Variants in GPATCH8 observed in about 807,000 individuals in gnomAD.
The protein encoded by GPATCH8 is G-patch domain containing 8, also known as G patch domain-containing protein 8.
GPATCH8 carries 18 observed loss-of-function variants against 118.3 expected under a neutral mutation model. The ratio of observed to expected loss-of-function variants is 0.15; its 90% CI spans 0.11 to 0.23. The LOEUF is 0.23. Ranked by LOEUF, GPATCH8 falls within the 10% of genes least tolerant of loss-of-function variation. The pLI is 1.00. For missense variants in GPATCH8, 1,631 were observed against 1,873.8 expected (o/e 0.87, Z 2.39); for synonymous variants, 659 against 684.7 (o/e 0.96, Z 0.59).
At chr17:44,502,491 A>G (rs1473572977) in intron 1 of GPATCH8, among the ~76,000 whole-genome samples, 1 of 152,170 alleles carries the variant, frequency 6.6e-6, no homozygotes, top group Non-Finnish European at 1.5e-5. Context: ...CAGCGAAAAA[A>G]CAAGTTATTC....
chr17:44,404,628 G>C (rs1173455722), intron 7 of GPATCH8, among the ~76,000 whole-genome samples: 2 of 152,086 alleles, frequency 1.3e-5, no homozygotes, highest in African/African-American at 2.4e-5. Context: ...GAGGCATAGA[G>C]AGTTTAGATA....
chr17:44,442,833 T>C (rs1280797200), intron 3 of GPATCH8, among the ~76,000 whole-genome samples: 5 of 151,488 alleles, frequency 3.3e-5, no homozygotes, highest in Admixed American at 6.6e-5. Context: ...ATCCCAGCAC[T>C]TGGGGAGGCC....
intron 1 of GPATCH8, among the ~76,000 whole-genome samples, chr17:44,475,843 C>T (rs186095242): frequency 5.9e-5 from 9 of 152,180 alleles, no homozygotes; most frequent in African/African-American, 2.2e-4. Context: ...CTGGGCAATA[C>T]AGTGAGACCC....
At chr17:44,417,007 G>T (rs1271209421) in intron 6 of GPATCH8, among the ~76,000 whole-genome samples, 1 of 152,110 alleles carries the variant, frequency 6.6e-6, no homozygotes, top group African/African-American at 2.4e-5. Context: ...CTCTGACTGA[G>T]ATACTGAATC....
In GPATCH8 at chr17:44,397,117, G is replaced by T. The variant is rs1482490980; in HGVS notation, c.*451C>A. On this transcript the variant is annotated 3_prime_UTR_variant, in exon 8 of 8. Coordinates refer to ENST00000591680, the MANE Select transcript of GPATCH8 (RefSeq NM_001002909.4). ...GGCACTTCCACCACTAGAACAGCTT[G>T]GCCTTCCCTGTGGCGCTGAGAAGGC... The T allele has an allele frequency of 2.2e-6, 1 of 455,506 alleles. No individual in the cohort carries two copies. The highest frequency in any genetic ancestry group is 2.0e-5 in the African/African-American group (1 of 50,048). The allele number at this position is 455,506 out of a possible 1,614,324, so 28.2% of individuals were successfully genotyped here.
intron 3 of GPATCH8, among the ~76,000 whole-genome samples, chr17:44,457,185 A>T (rs2051368445): frequency 6.6e-6 from 1 of 152,160 alleles, no homozygotes; most frequent in African/African-American, 2.4e-5. Context: ...ATATAGTAAA[A>T]TGCAACTCAG....
In GPATCH8 at chr17:44,449,394, A is replaced by C. The variant is rs977096127; in HGVS notation, c.194-12849T>G. On this transcript the variant is annotated intron_variant, in intron 3 of 7. Transcript: ENST00000591680. The stretch of plus-strand genomic sequence containing the variant: ...CTTGTTTTCTTTTTCAGTAGATACA[A>C]ACTCTTGCTATGTGGCCCAGGCTGG... Among the ~76,000 whole-genome samples the C allele has an allele frequency of 2.0e-5, 3 of 152,264 alleles. No individual in the cohort carries two copies. In the East Asian group the frequency reaches 5.8e-4, roughly 29 times the overall value.
At chr17:44,451,205 T>C (rs2051100298) in intron 3 of GPATCH8, among the ~76,000 whole-genome samples, 1 of 152,194 alleles carries the variant, frequency 6.6e-6, no homozygotes, top group Non-Finnish European at 1.5e-5. Flanking sequence ...GCTATTCTCA[T>C]GCCTCAGCCT....
At chr17:44,425,934 A>G (rs2050074481) in intron 5 of GPATCH8, among the ~76,000 whole-genome samples, 1 of 152,228 alleles carries the variant, frequency 6.6e-6, no homozygotes. Context: ...TATGAATTAA[A>G]AAAACCCCAC....
intron 1 of GPATCH8, among the ~76,000 whole-genome samples, chr17:44,482,591 A>C (rs989120798): frequency 1.2e-4 from 18 of 151,328 alleles, no homozygotes; most frequent in Non-Finnish European, 8.8e-5. Context: ...AAAAAAAAAA[A>C]ACCAAACCAA....
Position 44,457,453 on chromosome 17 carries a change from CGATGTGTGA to C in GPATCH8, c.193+7010_193+7018del, listed in dbSNP as rs1205030714. Among the ~76,000 whole-genome samples the C allele has an allele frequency of 2.0e-5, 3 of 152,014 alleles. No homozygotes were observed. The East Asian group carries it at 5.8e-4, about 29-fold the overall frequency. On this transcript the variant is annotated intron_variant, in intron 3 of 7. Coordinates refer to ENST00000591680, the MANE Select transcript of GPATCH8 (RefSeq NM_001002909.4). ...AAAACTTAATACAATGTTCTTAAAA[CGATGTGTGA>C]GATGTCTGGAGATACACTCCAAATA...
Position 44,453,901 on chromosome 17 carries a change from C to T in GPATCH8, c.193+10571G>A, listed in dbSNP as rs2051228650. Among the ~76,000 whole-genome samples, 3 of 150,596 alleles carry T rather than the reference C, an allele frequency of 2.0e-5. No individual in the cohort carries two copies. The South Asian group carries it at 6.3e-4, about 32-fold the overall frequency. On this transcript the variant is annotated intron_variant, in intron 3 of 7. Coordinates refer to ENST00000591680, the MANE Select transcript of GPATCH8 (RefSeq NM_001002909.4). ...TTCAATCAAAACAACTGCTGGGTTG[C>T]CCCCTCTTTCATATACTGAAGTTTA...
chr17:44,399,945 C>G lies in GPATCH8; in HGVS notation c.2132G>C (p.Arg711Pro). Reference protein sequence around the residue: ...KAESGEKSKKRKKRKRKKNKS... With the variant: ...KAESGEKSKKPKKRKRKKNKS... Reference sequence around the variant, plus strand: ...ATTCTTCTTTCGTTTTCGTTTCTTGCGCTTCTTAGATTTCTCCCCTGACTC... The same window carrying G: ...ATTCTTCTTTCGTTTTCGTTTCTTGGGCTTCTTAGATTTCTCCCCTGACTC... The change falls in exon 8 of 8, where the codon CGC (arginine) becomes CCC (proline). Residue 711 changes from arginine to proline, a missense_variant. By Grantham distance (103) the Arg-to-Pro change is moderately radical. Coordinates refer to ENST00000591680, the MANE Select transcript of GPATCH8 (RefSeq NM_001002909.4). The G allele has an allele frequency of 6.2e-7, 1 of 1,614,044 alleles. No individual in the cohort carries two copies. Among genetic ancestry groups the G allele is most frequent in the Non-Finnish European group, 8.5e-7 (1 of 1,180,006 alleles).
At position 44,399,081 on chromosome 17, in the gene GPATCH8, G is replaced by A. The variant is rs749387719; in HGVS notation, c.2996C>T (p.Pro999Leu). Reference protein sequence around the residue: ...SRDRSRSTRSPSQRSGSRKRS... With the variant: ...SRDRSRSTRSLSQRSGSRKRS... The stretch of plus-strand genomic sequence containing the variant: ...CTTCCTGGAGCCTGATCTCTGGGAA[G>A]GGCTCCTGGTGCTGCGGCTGCGGTC... The change falls in exon 8 of 8, where the codon CCT (proline) becomes CTT (leucine). Residue 999 changes from proline (P) to leucine (L), a missense_variant. Physicochemically the swap from Pro to Leu is moderately conservative, Grantham distance 98. Transcript: ENST00000591680. 2.2e-5 allele frequency: 36 copies of A among 1,613,898 alleles called. No homozygotes were observed. The East Asian group carries it at 7.8e-4, about 35-fold the overall frequency.
intron 1 of GPATCH8, among the ~76,000 whole-genome samples, chr17:44,478,714 C>T (rs182318631): frequency 6.0e-4 from 91 of 152,116 alleles, no homozygotes; most frequent in African/African-American, 2.2e-3. Flanking sequence ...CTAACAATAA[C>T]TATGTACTAC....
intron 5 of GPATCH8, among the ~76,000 whole-genome samples, chr17:44,430,804 A>G (rs1375798863): frequency 2.6e-5 from 3 of 115,130 alleles, no homozygotes; most frequent in South Asian, 2.7e-4. Context: ...CACCACGCCC[A>G]GCTTTTTTTT....
chr17:44,409,650 C>G (rs953258311), intron 6 of GPATCH8, among the ~76,000 whole-genome samples: 1 of 152,194 alleles, frequency 6.6e-6, no homozygotes, highest in Non-Finnish European at 1.5e-5. Context: ...ACTAGCCAAT[C>G]CACTTATTAC....
intron 3 of GPATCH8, among the ~76,000 whole-genome samples, chr17:44,440,805 C>T (rs1051790707): frequency 6.6e-6 from 1 of 152,146 alleles, no homozygotes; most frequent in Non-Finnish European, 1.5e-5. Flanking sequence ...CAAAACTGTC[C>T]TAAAGACTTA....
At chr17:44,426,885 C>A (rs887337686) in intron 5 of GPATCH8, among the ~76,000 whole-genome samples, 1 of 151,860 alleles carries the variant, frequency 6.6e-6, no homozygotes, top group African/African-American at 2.4e-5. Context: ...CTCTCTCACA[C>A]TCTCTCTCAA....
Sources: allele counts gnomAD v4.1 joint callset (sites outside exome capture counted in the v4.1 genomes callset), GRCh38; gene constraint gnomAD v4.1.1; transcripts MANE v1.5; gene names NCBI Gene and HGNC (gene_info 2026-07-23, HGNC 2026-07-21).